The following PTPRD variants were observed in gnomAD, a reference collection of about 807,000 sequenced individuals.
PTPRD encodes the protein protein tyrosine phosphatase receptor type D.
Under a neutral mutation model 214.5 loss-of-function variants are expected in PTPRD, and 34 were observed. That is an observed-to-expected ratio of 0.16 (90% CI 0.12 to 0.21). The LOEUF is 0.21. Ranked by LOEUF, PTPRD falls within the 10% of genes least tolerant of loss-of-function variation. The pLI, the probability that PTPRD is intolerant of heterozygous loss-of-function variation, is 1.00. For synonymous variants in PTPRD, 1,128 were observed against 845.7 expected, an observed-to-expected ratio of 1.33 and a Z score of -5.79; for missense variants, 2,545 against 2,398.7, an observed-to-expected ratio of 1.06 and a Z score of -1.27.
chr9:8,632,598 G>C (rs1360353712), intron 14 of PTPRD, among the ~76,000 whole-genome samples: 2 of 151,942 alleles, frequency 1.3e-5, no homozygotes, highest in African/African-American at 2.4e-5. Flanking sequence ...ACAGAAGCCT[G>C]AATTAGAGAC....
intron 3 of PTPRD, among the ~76,000 whole-genome samples, chr9:10,170,984 T>C (rs2099200512): frequency 6.6e-6 from 1 of 152,184 alleles, no homozygotes; most frequent in East Asian, 1.9e-4. Context: ...TAAGATGCAA[T>C]CATTACTTCT....
chr9:8,544,889 CT>C (rs869280997), intron 14 of PTPRD, among the ~76,000 whole-genome samples: 5,722 of 118,660 alleles, frequency 0.048, 112 homozygotes, highest in Middle Eastern at 0.14. Flanking sequence ...AAAGACAGTC[CT>C]TTTTTTTTTT....
intron 44 of PTPRD, among the ~76,000 whole-genome samples, chr9:8,322,395 T>G (rs1451638911): frequency 3.3e-5 from 5 of 152,184 alleles, no homozygotes; most frequent in African/African-American, 9.7e-5. Context: ...AAAGTGCTAC[T>G]CCAGTGAACA....
At chr9:8,585,159 C>T (rs1038525723) in intron 14 of PTPRD, among the ~76,000 whole-genome samples, 7 of 152,096 alleles carry the variant, frequency 4.6e-5, no homozygotes, top group South Asian at 2.1e-4. Context: ...AAATTTTCAA[C>T]GTAGATCTTC....
At chr9:9,396,348 T>C (rs893783912) in intron 9 of PTPRD, among the ~76,000 whole-genome samples, 2 of 152,074 alleles carry the variant, frequency 1.3e-5, no homozygotes, top group African/African-American at 4.8e-5. Context: ...TAGAAATGCA[T>C]ATTATTGGGC....
At chr9:9,211,622 A>G (rs1423969411) in intron 9 of PTPRD, among the ~76,000 whole-genome samples, 1 of 152,118 alleles carries the variant, frequency 6.6e-6, no homozygotes, top group African/African-American at 2.4e-5. Flanking sequence ...AAGCTACAAA[A>G]TATTTGACAT....
chr9:9,541,524 T>C (rs78075359), intron 8 of PTPRD, among the ~76,000 whole-genome samples: 4,191 of 151,858 alleles, frequency 0.028, 75 homozygotes, highest in Non-Finnish European at 0.041. Context: ...GGAATGCAAA[T>C]GTTTAAGCCA....
intron 14 of PTPRD, among the ~76,000 whole-genome samples, chr9:8,535,074 A>G (rs2076603212): frequency 6.6e-6 from 1 of 151,866 alleles, no homozygotes; most frequent in South Asian, 2.1e-4. Flanking sequence ...CTTCTTTGAA[A>G]GTAATAATAG....
At chr9:10,382,376 TCCAGTG>T (rs1295233867) in intron 2 of PTPRD, among the ~76,000 whole-genome samples, 1 of 151,934 alleles carries the variant, frequency 6.6e-6, no homozygotes, top group Non-Finnish European at 1.5e-5. Flanking sequence ...TACTTTTCAC[TCCAGTG>T]CCTCTGCATT....
At chr9:10,320,308 A>G (rs931789457) in intron 3 of PTPRD, among the ~76,000 whole-genome samples, 1 of 152,026 alleles carries the variant, frequency 6.6e-6, no homozygotes, top group African/African-American at 2.4e-5. Context: ...CCTACAGCTG[A>G]GGGGAAAAAA....
At chr9:8,464,051 C>T (rs2096488271) in intron 32 of PTPRD, among the ~76,000 whole-genome samples, 1 of 151,856 alleles carries the variant, frequency 6.6e-6, no homozygotes, top group African/African-American at 2.4e-5. Context: ...AATTAATAAA[C>T]AGATGACATA....
intron 3 of PTPRD, among the ~76,000 whole-genome samples, chr9:10,088,565 G>C (rs1171885236): frequency 6.6e-6 from 1 of 151,640 alleles, no homozygotes; most frequent in Non-Finnish European, 1.5e-5. Flanking sequence ...GGTGATGCTA[G>C]GTCCATTTCA....
intron 3 of PTPRD, among the ~76,000 whole-genome samples, chr9:10,044,855 C>CTTGTCTGATCCCAGTG (rs2097360926): frequency 6.6e-6 from 1 of 151,658 alleles, no homozygotes; most frequent in Admixed American, 6.6e-5. Flanking sequence ...TTATCATGGG[C>CTTGTCTGATCCCAGTG]TCAGTATCCA....
rs144893871 is a variant in PTPRD, at chr9:9,058,404, T to A, written c.-142-39669A>T. ...GAGCTGGCTTAGAAGATAAATTCTA[T>A]GTATAATAGCAATATTGGTGAGAGA... On this transcript the variant is annotated intron_variant, in intron 10 of 45. Coordinates refer to ENST00000381196, the MANE Select transcript of PTPRD (RefSeq NM_002839.4). Among the ~76,000 whole-genome samples, 46 of 148,400 alleles carry A rather than the reference T, an allele frequency of 3.1e-4. 1 individual carries two copies. The highest frequency in any genetic ancestry group is 2.2e-3 in the Admixed American group (32 of 14,506).
At chr9:10,417,688 T>G (rs2098505467) in intron 2 of PTPRD, among the ~76,000 whole-genome samples, 2 of 151,712 alleles carry the variant, frequency 1.3e-5, no homozygotes, top group Non-Finnish European at 2.9e-5. Flanking sequence ...AACAAAAAAT[T>G]AAAATTAAAA....
intron 8 of PTPRD, among the ~76,000 whole-genome samples, chr9:9,427,871 T>G (rs771789790): frequency 6.6e-6 from 1 of 152,182 alleles, no homozygotes; most frequent in Non-Finnish European, 1.5e-5. Flanking sequence ...CTGAGAGATT[T>G]TGTCACCACC....
intron 10 of PTPRD, among the ~76,000 whole-genome samples, chr9:9,062,152 C>A (rs951912074): frequency 2.6e-5 from 4 of 152,138 alleles, no homozygotes; most frequent in African/African-American, 9.7e-5. Context: ...ATTTTACTTA[C>A]ACTGTTTTCC....
intron 8 of PTPRD, among the ~76,000 whole-genome samples, chr9:9,430,853 C>T (rs62532953): frequency 0.017 from 2,557 of 152,196 alleles, 46 homozygotes; most frequent in Non-Finnish European, 0.023. Context: ...TAGCCATATG[C>T]AGAAAGCTGA....
At chr9:8,537,371 T>A (rs1345520585) in intron 14 of PTPRD, among the ~76,000 whole-genome samples, 1 of 152,010 alleles carries the variant, frequency 6.6e-6, no homozygotes, top group Non-Finnish European at 1.5e-5. Context: ...ATACATGACA[T>A]TCCAAATGGA....
Sources: allele counts gnomAD v4.1 joint callset (sites outside exome capture counted in the v4.1 genomes callset), GRCh38; gene constraint gnomAD v4.1.1; transcripts MANE v1.5; gene names NCBI Gene and HGNC (gene_info 2026-07-23, HGNC 2026-07-21).